PLCB1: variants seen among roughly 807,000 people sequenced by gnomAD.
PLCB1 encodes 1-phosphatidylinositol 4,5-bisphosphate phosphodiesterase beta-1.
Under a neutral mutation model 161.8 loss-of-function variants are expected in PLCB1, and 46 were observed. That is an observed-to-expected ratio of 0.28 (90% CI 0.22 to 0.36). The LOEUF is 0.36. Among genes scored for constraint, PLCB1 ranks in the 10% least tolerant of loss-of-function variants. PLCB1 has a pLI of 1.00. For synonymous variants in PLCB1, 517 were observed against 503.7 expected, an observed-to-expected ratio of 1.03 and a Z score of -0.35; for missense variants, 1,016 against 1,472.5, an observed-to-expected ratio of 0.69 and a Z score of 5.07.
At chr20:8,452,528 G>A (rs1436745549) in intron 3 of PLCB1, among the ~76,000 whole-genome samples, 2 of 152,188 alleles carry the variant, frequency 1.3e-5, no homozygotes, top group African/African-American at 4.8e-5. Context: ...TTGTGCTGGA[G>A]ATGAAAGATG....
At chr20:8,174,400 ATT>A (rs1221536725) in intron 2 of PLCB1, among the ~76,000 whole-genome samples, 1 of 152,160 alleles carries the variant, frequency 6.6e-6, no homozygotes, top group African/African-American at 2.4e-5. Context: ...TCCTCCTAGG[ATT>A]TCTCTCAGAT....
intron 20 of PLCB1, 51 bp downstream of exon 20, chr20:8,737,243 T>C (rs369979730): frequency 7.6e-5 from 103 of 1,363,486 alleles, no homozygotes; most frequent in Middle Eastern, 1.8e-4. Flanking sequence ...TCAGGTGTTT[T>C]ACACTGAGAA....
intron 31 of PLCB1, among the ~76,000 whole-genome samples, chr20:8,796,229 C>T (rs1169688994): frequency 6.6e-6 from 1 of 151,832 alleles, no homozygotes; most frequent in African/African-American, 2.4e-5. Context: ...TTTTTTCCCT[C>T]CACCAAGGGA....
chr20:8,812,001 C>T (rs574501040), intron 31 of PLCB1, among the ~76,000 whole-genome samples: 1 of 152,290 alleles, frequency 6.6e-6, no homozygotes, highest in South Asian at 2.1e-4. Flanking sequence ...AAGAGAAGAT[C>T]CTCATTAGCA....
At position 8,550,468 on chromosome 20, in the gene PLCB1, C is replaced by T. The variant is rs181617703; in HGVS notation, c.247-77826C>T. Among the ~76,000 whole-genome samples, 471 of 152,112 alleles carry T rather than the reference C, an allele frequency of 3.1e-3. 3 individuals carry two copies. Among genetic ancestry groups the T allele is most frequent in the African/African-American group, 0.011 (451 of 41,500 alleles). On this transcript the variant is annotated intron_variant, in intron 3 of 31. Coordinates refer to ENST00000338037, the MANE Select transcript of PLCB1 (RefSeq NM_015192.4). ...CATATAAAGGGCTTCCCCCTTCCCT[C>T]GGCTCTCATTCTCTCTTCTGTCACC...
chr20:8,778,110 C>T (rs1486157687), intron 27 of PLCB1, among the ~76,000 whole-genome samples: 1 of 152,020 alleles, frequency 6.6e-6, no homozygotes, highest in Non-Finnish European at 1.5e-5. Context: ...TGGAGTTTCC[C>T]CAGGGCCCCA....
intron 16 of PLCB1, 39 bp downstream of exon 16, chr20:8,724,791 T>G (rs746972171): frequency 5.6e-6 from 6 of 1,067,688 alleles, no homozygotes; most frequent in Non-Finnish European, 1.5e-6. Flanking sequence ...TTGCAGCATA[T>G]AATGATTATA....
chr20:8,589,485 C>A (rs1381060135), intron 3 of PLCB1, among the ~76,000 whole-genome samples: 1 of 151,980 alleles, frequency 6.6e-6, no homozygotes, highest in East Asian at 1.9e-4. Flanking sequence ...AGTCTAAGAT[C>A]AAGGTGCCAG....
intron 2 of PLCB1, among the ~76,000 whole-genome samples, chr20:8,358,632 T>C (rs747773274): frequency 6.6e-6 from 1 of 152,194 alleles, no homozygotes; most frequent in Non-Finnish European, 1.5e-5. Context: ...ATTTTTGATA[T>C]GTAACAGAAA....
chr20:8,523,496 C>CTCTCTCTCTCTCTCTCTCTCTCTA lies in PLCB1; in HGVS notation c.247-104797_247-104796insCTCTCTCTCTCTCTCTCTCTCTAT. 1.2e-3 allele frequency among the ~76,000 whole-genome samples: 64 copies of CTCTCTCTCTCTCTCTCTCTCTCTA among 51,620 alleles called. 1 individual carries two copies. Among genetic ancestry groups the CTCTCTCTCTCTCTCTCTCTCTCTA allele is most frequent in the Admixed American group, 2.6e-3 (11 of 4,162 alleles). 33.9% of individuals were successfully genotyped at this position (51,620 alleles called of 152,430 possible). On this transcript the variant is annotated intron_variant, in intron 3 of 31. Coordinates refer to ENST00000338037, the MANE Select transcript of PLCB1 (RefSeq NM_015192.4). ...TCTCTCTCTCTCTCTCTCTCTCTCT[C>CTCTCTCTCTCTCTCTCTCTCTCTA]TATATATATATATATATATATATAT...
intron 3 of PLCB1, among the ~76,000 whole-genome samples, chr20:8,468,663 A>G (rs1376443359): frequency 2.0e-5 from 3 of 152,170 alleles, no homozygotes; most frequent in Non-Finnish European, 2.9e-5. Context: ...ACATTATTCA[A>G]TACATCAAAT....
chr20:8,765,068 G>A (rs1387626501), intron 25 of PLCB1, 71 bp from the exon 26 acceptor site: 7 of 1,178,332 alleles, frequency 5.9e-6, no homozygotes, highest in Admixed American at 2.2e-5. Context: ...TCCTAAGAAG[G>A]TAGCCGCTCT....
intron 2 of PLCB1, among the ~76,000 whole-genome samples, chr20:8,160,642 C>G (rs541540262): frequency 6.6e-6 from 1 of 152,272 alleles, no homozygotes; most frequent in Admixed American, 6.5e-5. Context: ...GACCTGCCCC[C>G]ATGATTCCAT....
At chr20:8,208,649 G>A (rs1978657539) in intron 2 of PLCB1, among the ~76,000 whole-genome samples, 1 of 151,910 alleles carries the variant, frequency 6.6e-6, no homozygotes, top group Admixed American at 6.6e-5. Flanking sequence ...AGTGCTCTTG[G>A]AATATAAAAA....
intron 31 of PLCB1, among the ~76,000 whole-genome samples, chr20:8,853,130 G>C (rs1426606873): frequency 6.6e-6 from 1 of 152,166 alleles, no homozygotes; most frequent in Non-Finnish European, 1.5e-5. Flanking sequence ...TTTAAAAAAA[G>C]TATTTATCAA....
intron 3 of PLCB1, among the ~76,000 whole-genome samples, chr20:8,601,312 C>A (rs1475524325): frequency 6.6e-6 from 1 of 152,118 alleles, no homozygotes; most frequent in Non-Finnish European, 1.5e-5. Flanking sequence ...CAGATGATTT[C>A]ATCTCCGAGG....
At chr20:8,720,171 C>G (rs73895117) in intron 14 of PLCB1, among the ~76,000 whole-genome samples, 1 of 152,174 alleles carries the variant, frequency 6.6e-6, no homozygotes, top group South Asian at 2.1e-4. Flanking sequence ...GCAAGCAAAC[C>G]TTGTCTTCCT....
At chr20:8,562,663 T>TA (rs1325773330) in intron 3 of PLCB1, among the ~76,000 whole-genome samples, 1 of 152,056 alleles carries the variant, frequency 6.6e-6, no homozygotes, top group Non-Finnish European at 1.5e-5. Context: ...AATTGCATTC[T>TA]AAAAAAGTAG....
chr20:8,807,270 A>C (rs1228472149), intron 31 of PLCB1, among the ~76,000 whole-genome samples: 1 of 152,254 alleles, frequency 6.6e-6, no homozygotes, highest in Non-Finnish European at 1.5e-5. Flanking sequence ...TAATGAGACC[A>C]CAGGGTCACT....
Sources: allele counts gnomAD v4.1 joint callset (sites outside exome capture counted in the v4.1 genomes callset), GRCh38; gene constraint gnomAD v4.1.1; transcripts MANE v1.5; gene names NCBI Gene and HGNC (gene_info 2026-07-23, HGNC 2026-07-21).